NPAS3: variants seen among roughly 807,000 people sequenced by gnomAD.
NPAS3 encodes neuronal PAS domain-containing protein 3.
NPAS3 carries 14 observed loss-of-function variants against 73.1 expected under a neutral mutation model. The ratio of observed to expected loss-of-function variants is 0.19; its 90% CI spans 0.13 to 0.30. The LOEUF is 0.30. Among genes scored for constraint, NPAS3 ranks in the 10% least tolerant of loss-of-function variants. The pLI, the probability that NPAS3 is intolerant of heterozygous loss-of-function variation, is 1.00. For missense variants in NPAS3, 1,096 were observed against 1,250.0 expected, an observed-to-expected ratio of 0.88 and a Z score of 1.86; for synonymous variants, 620 against 541.5, an observed-to-expected ratio of 1.14 and a Z score of -2.01.
At chr14:33,178,081 T>TG (rs2045660235) in intron 2 of NPAS3, among the ~76,000 whole-genome samples, 2 of 149,150 alleles carry the variant, frequency 1.3e-5, no homozygotes, top group South Asian at 4.4e-4. Context: ...TTTTTTTTGT[T>TG]TTTTTTTTTT....
At chr14:33,605,777 A>C (rs1595260071) in intron 5 of NPAS3, among the ~76,000 whole-genome samples, 1 of 152,304 alleles carries the variant, frequency 6.6e-6, no homozygotes, top group South Asian at 2.1e-4. Context: ...TCAGTAATAT[A>C]AAGATGCTAT....
chr14:33,207,249 A>T (rs2046859183), intron 2 of NPAS3, among the ~76,000 whole-genome samples: 1 of 35,592 alleles, frequency 2.8e-5, no homozygotes, highest in Admixed American at 2.0e-4. Flanking sequence ...ACACACACAC[A>T]CACACACACA....
At chr14:33,615,352 G>A (rs1267257343) in intron 5 of NPAS3, among the ~76,000 whole-genome samples, 3 of 152,148 alleles carry the variant, frequency 2.0e-5, no homozygotes, top group Admixed American at 6.5e-5. Flanking sequence ...GAGACAAGAG[G>A]CAGAAAGATC....
chr14:33,215,177 T>C lies in NPAS3; in HGVS notation c.141-5T>C. 1 of 1,613,460 alleles carries C rather than the reference T, an allele frequency of 6.2e-7. No individual in the cohort carries two copies. The highest frequency in any genetic ancestry group is 8.5e-7 in the Non-Finnish European group (1 of 1,179,534). ...AACCACACATTCTCACTCCTTTGAT[T>C]TCAGTTTACAAGCATTGAGAAAGGA... On this transcript the variant is annotated splice_region_variant and splice_polypyrimidine_tract_variant and intron_variant, in intron 2 of 11. Coordinates refer to ENST00000356141, the Ensembl canonical transcript of NPAS3.
At chr14:32,935,466 A>G (rs1216761509), upstream of NPAS3, among the ~76,000 whole-genome samples, 2 of 152,224 alleles carry the variant, frequency 1.3e-5, no homozygotes, top group African/African-American at 4.8e-5. Flanking sequence ...TGTAGCTGTA[A>G]ACTTGCAATT....
At chr14:32,965,220 G>T (rs537618180) in intron 1 of NPAS3, among the ~76,000 whole-genome samples, 3 of 152,140 alleles carry the variant, frequency 2.0e-5, no homozygotes, top group African/African-American at 7.2e-5. Context: ...ATTCTAAAAG[G>T]CTAACATTAC....
chr14:32,961,323 A>T (rs1221388876), intron 1 of NPAS3, among the ~76,000 whole-genome samples: 1 of 150,640 alleles, frequency 6.6e-6, no homozygotes, highest in East Asian at 2.0e-4. Flanking sequence ...GAGGCAGGGA[A>T]TTGCTTGAAC....
intron 5 of NPAS3, among the ~76,000 whole-genome samples, chr14:33,626,872 A>C (rs2058235606): frequency 6.6e-6 from 1 of 152,204 alleles, no homozygotes; most frequent in South Asian, 2.1e-4. Context: ...TGGGAGTGCC[A>C]TGAAGTGGGA....
chr14:33,583,671 C>T (rs1466241582), intron 5 of NPAS3, among the ~76,000 whole-genome samples: 1 of 152,010 alleles, frequency 6.6e-6, no homozygotes, highest in Non-Finnish European at 1.5e-5. Flanking sequence ...GGGAACAACA[C>T]CTGGATTTAA....
At chr14:33,735,544 T>A (rs1293117366) in intron 7 of NPAS3, among the ~76,000 whole-genome samples, 2 of 152,122 alleles carry the variant, frequency 1.3e-5, no homozygotes, top group Non-Finnish European at 2.9e-5. Context: ...AAAACCCCAA[T>A]ATAGTGTCTT....
intron 5 of NPAS3, among the ~76,000 whole-genome samples, chr14:33,612,898 A>T (rs1025984450): frequency 2.0e-5 from 3 of 152,190 alleles, no homozygotes; most frequent in Admixed American, 6.5e-5. Context: ...TTAACTTTTT[A>T]AATTGTTTTT....
At chr14:32,947,131 A>G (rs1184492385) in intron 1 of NPAS3, among the ~76,000 whole-genome samples, 1 of 152,212 alleles carries the variant, frequency 6.6e-6, no homozygotes, top group East Asian at 1.9e-4. Context: ...TGTAAGATTT[A>G]TAAAAATAAT....
intron 5 of NPAS3, among the ~76,000 whole-genome samples, chr14:33,667,334 T>C (rs2140299870): frequency 6.6e-6 from 1 of 152,274 alleles, no homozygotes; most frequent in Middle Eastern, 3.4e-3. Context: ...CCAGATTACA[T>C]GTGTGTGATT....
intron 5 of NPAS3, among the ~76,000 whole-genome samples, chr14:33,644,409 G>C (rs369876556): frequency 2.6e-5 from 4 of 152,182 alleles, no homozygotes; most frequent in Non-Finnish European, 5.9e-5. Flanking sequence ...TGTGTAGTGA[G>C]CAACACAGCA....
chr14:33,603,638 G>A (rs775437500), intron 5 of NPAS3, among the ~76,000 whole-genome samples: 26 of 152,120 alleles, frequency 1.7e-4, no homozygotes, highest in Non-Finnish European at 3.4e-4. Context: ...CTCATAGGAA[G>A]TTGGGAAATA....
intron 2 of NPAS3, among the ~76,000 whole-genome samples, chr14:33,082,232 G>A (rs370804738): frequency 3.3e-5 from 5 of 152,144 alleles, no homozygotes; most frequent in African/African-American, 1.2e-4. Context: ...AGACAATATT[G>A]GTTTGTTTGC....
intron 6 of NPAS3, among the ~76,000 whole-genome samples, chr14:33,727,457 G>A (rs893403730): frequency 2.0e-5 from 3 of 151,848 alleles, no homozygotes; most frequent in Admixed American, 6.6e-5. Context: ...TTAGCTATTC[G>A]GTTCTATCAA....
intron 4 of NPAS3, among the ~76,000 whole-genome samples, chr14:33,480,945 GGA>G (rs1476894868): frequency 6.6e-6 from 1 of 152,082 alleles, no homozygotes; most frequent in African/African-American, 2.4e-5. Flanking sequence ...GAATAGGAGA[GGA>G]GGGAGAGAGA....
chr14:33,142,771 T>G (rs1169022611), intron 2 of NPAS3, among the ~76,000 whole-genome samples: 1 of 152,222 alleles, frequency 6.6e-6, no homozygotes, highest in Non-Finnish European at 1.5e-5. Flanking sequence ...CATGCATTCC[T>G]TTTTGTCCTG....
Sources: gnomAD v4.1 joint callset for allele counts (sites outside exome capture counted in the v4.1 genomes callset) on GRCh38, gnomAD v4.1.1 for gene constraint, MANE v1.5 for transcripts, NCBI Gene and HGNC (gene_info 2026-07-23, HGNC 2026-07-21) for gene names.